MAGI2: variants seen among roughly 807,000 people sequenced by gnomAD.
MAGI2 encodes membrane-associated guanylate kinase, WW and PDZ domain-containing protein 2.
MAGI2 carries 35 observed loss-of-function variants against 133.3 expected under a neutral mutation model. The ratio of observed to expected loss-of-function variants is 0.26; its 90% CI spans 0.20 to 0.35. The LOEUF is 0.35. Among genes scored for constraint, MAGI2 ranks in the 10% least tolerant of loss-of-function variants. The pLI, the probability that MAGI2 is intolerant of heterozygous loss-of-function variation, is 1.00. For synonymous variants in MAGI2, 729 were observed against 710.6 expected, an observed-to-expected ratio of 1.03 and a Z score of -0.41; for missense variants, 1,636 against 1,863.4, an observed-to-expected ratio of 0.88 and a Z score of 2.25.
intron 1 of MAGI2, among the ~76,000 whole-genome samples, chr7:79,295,551 C>A (rs1836863642): frequency 6.6e-6 from 1 of 151,898 alleles, no homozygotes; most frequent in East Asian, 1.9e-4. Flanking sequence ...ACGGTCGAGT[C>A]AAGGGAAAAT....
At chr7:78,898,730 T>C (rs1405004028) in intron 2 of MAGI2, among the ~76,000 whole-genome samples, 2 of 151,746 alleles carry the variant, frequency 1.3e-5, no homozygotes, top group African/African-American at 4.8e-5. Context: ...GGTGATGAAA[T>C]AATTTGTCAT....
chr7:78,451,992 T>G (rs921444755), intron 6 of MAGI2, among the ~76,000 whole-genome samples: 2 of 152,098 alleles, frequency 1.3e-5, no homozygotes, highest in Non-Finnish European at 2.9e-5. Context: ...AGGTTTCCTT[T>G]ATTTCCAAGA....
intron 3 of MAGI2, among the ~76,000 whole-genome samples, chr7:78,580,577 T>C (rs1271967146): frequency 6.6e-6 from 1 of 152,176 alleles, no homozygotes; most frequent in Non-Finnish European, 1.5e-5. Flanking sequence ...AATCCATAGA[T>C]ACAAAATTGA....
At chr7:78,044,255 A>T (rs1811162482) in intron 21 of MAGI2, among the ~76,000 whole-genome samples, 1 of 152,230 alleles carries the variant, frequency 6.6e-6, no homozygotes, top group African/African-American at 2.4e-5. Flanking sequence ...CTAAGTAGAC[A>T]TATGGCTGCT....
chr7:78,825,267 T>C lies in MAGI2; in HGVS notation c.418+181823A>G, dbSNP rs538295494. Among the ~76,000 whole-genome samples, 245 of 152,108 alleles carry C rather than the reference T, an allele frequency of 1.6e-3. 1 individual carries two copies. The highest frequency in any genetic ancestry group is 5.8e-3 in the African/African-American group (239 of 41,490). On this transcript the variant is annotated intron_variant, in intron 2 of 21. Transcript: ENST00000354212. ...TAAAGTAAAATTAAAAAGAAATAAA[T>C]AAATACAAGAAAGAAGGTTAGAGGT...
chr7:78,353,391 C>T (rs1365296645), intron 7 of MAGI2, among the ~76,000 whole-genome samples: 2 of 152,204 alleles, frequency 1.3e-5, no homozygotes, highest in Admixed American at 6.5e-5. Context: ...TCAGGAGGCT[C>T]ATGCTCCAGT....
chr7:78,142,315 G>T (rs954406866), intron 16 of MAGI2, among the ~76,000 whole-genome samples: 40 of 152,014 alleles, frequency 2.6e-4, no homozygotes, highest in Admixed American at 9.2e-4. Context: ...TCTTCCTTGC[G>T]CCACTCCACT....
intron 15 of MAGI2, among the ~76,000 whole-genome samples, chr7:78,161,603 T>G (rs1291007827): frequency 6.7e-6 from 1 of 150,038 alleles, no homozygotes; most frequent in African/African-American, 2.5e-5. Context: ...CAATTCCATT[T>G]TGAGATGAAA....
At chr7:78,787,396 C>G (rs888595054) in intron 2 of MAGI2, among the ~76,000 whole-genome samples, 3 of 152,084 alleles carry the variant, frequency 2.0e-5, no homozygotes, top group African/African-American at 7.2e-5. Flanking sequence ...TTGGGAGTAT[C>G]TCATTAAGTT....
intron 2 of MAGI2, among the ~76,000 whole-genome samples, chr7:78,927,368 A>C (rs7780376): frequency 0.016 from 2,462 of 152,082 alleles, 75 homozygotes; most frequent in African/African-American, 0.057. Flanking sequence ...TGTTGACTCT[A>C]GGTATTAAGC....
At chr7:79,382,552 T>C (rs1156272969) in intron 1 of MAGI2, among the ~76,000 whole-genome samples, 3 of 151,538 alleles carry the variant, frequency 2.0e-5, no homozygotes, top group Non-Finnish European at 4.4e-5. Context: ...GGAGTAACTA[T>C]TTAACATACC....
rs765432970 is a variant in MAGI2, at chr7:78,255,995, T to G, written c.1995A>C (p.Ile665=). The part of the protein sequence containing the change: ...QNLSHTEVVD[I]LKDCPIGSET... ...CACTTCCAATGGGACAGTCCTTAAG[T>G]ATATCCACTACTTCTGTATGGCTCA... The change falls in exon 10 of 22, where the codon ATA becomes ATC. Residue 665 remains isoleucine, a synonymous_variant. Transcript: ENST00000354212. The G allele has an allele frequency of 3.1e-6, 5 of 1,613,714 alleles. No individual in the cohort carries two copies. The highest frequency in any genetic ancestry group is 4.2e-6 in the Non-Finnish European group (5 of 1,179,934).
At chr7:78,093,515 T>C (rs1215678346) in intron 20 of MAGI2, among the ~76,000 whole-genome samples, 1 of 151,872 alleles carries the variant, frequency 6.6e-6, no homozygotes, top group Admixed American at 6.6e-5. Flanking sequence ...CTAACATATG[T>C]AGAATATTTG....
intron 3 of MAGI2, among the ~76,000 whole-genome samples, chr7:78,594,828 C>T (rs887663107): frequency 2.6e-5 from 4 of 152,112 alleles, no homozygotes; most frequent in African/African-American, 9.7e-5. Context: ...GCTCCCCAAA[C>T]CTCCATAATT....
chr7:78,766,373 T>C lies in MAGI2; in HGVS notation c.419-139134A>G, dbSNP rs965720393. 2.0e-5 allele frequency among the ~76,000 whole-genome samples: 3 copies of C among 152,278 alleles called. No individual in the cohort carries two copies. The East Asian group carries it at 5.8e-4, about 29-fold the overall frequency. ...GTCTTATAACAAAAGTGATCTCTTA[T>C]TTAATATATTATTTCCTCCCCCAGC... On this transcript the variant is annotated intron_variant, in intron 2 of 21. Transcript: ENST00000354212.
At chr7:78,630,244 C>CT (rs964436203) in intron 2 of MAGI2, among the ~76,000 whole-genome samples, 6 of 151,268 alleles carry the variant, frequency 4.0e-5, no homozygotes, top group Admixed American at 6.6e-5. Context: ...GAGTTTAACT[C>CT]TTTTTTTTGT....
chr7:78,119,029 A>G (rs1820154718), intron 20 of MAGI2, among the ~76,000 whole-genome samples: 1 of 152,220 alleles, frequency 6.6e-6, no homozygotes, highest in Non-Finnish European at 1.5e-5. Flanking sequence ...TTAAATGCAT[A>G]CTACTAAGTG....
chr7:78,168,537 G>C (rs1438781035), intron 14 of MAGI2, among the ~76,000 whole-genome samples: 4 of 152,156 alleles, frequency 2.6e-5, no homozygotes, highest in Non-Finnish European at 5.9e-5. Context: ...GATGCTAATT[G>C]GCTGAAACAA....
intron 1 of MAGI2, among the ~76,000 whole-genome samples, chr7:79,195,356 T>C (rs926414368): frequency 6.6e-6 from 1 of 152,008 alleles, no homozygotes; most frequent in African/African-American, 2.4e-5. Context: ...TTTTTACACA[T>C]TGCATACTGC....
Sources: gnomAD v4.1 joint callset for allele counts (sites outside exome capture counted in the v4.1 genomes callset) on GRCh38, gnomAD v4.1.1 for gene constraint, MANE v1.5 for transcripts, NCBI Gene and HGNC (gene_info 2026-07-23, HGNC 2026-07-21) for gene names.